Variants in CAMTA1 observed in about 807,000 individuals in gnomAD.
CAMTA1 encodes the protein calmodulin-binding transcription activator 1.
Under a neutral mutation model 170.9 loss-of-function variants are expected in CAMTA1, and 27 were observed. The ratio of observed to expected loss-of-function variants is 0.16; its 90% confidence interval spans 0.12 to 0.22. The LOEUF is 0.22. CAMTA1 is among the 10% of genes least tolerant of loss of function. The pLI, the probability that CAMTA1 is intolerant of heterozygous loss-of-function variation, is 1.00. For missense variants in CAMTA1, 1,619 were observed against 2,217.2 expected, an observed-to-expected ratio of 0.73 and a Z score of 5.42; for synonymous variants, 833 against 891.5, an observed-to-expected ratio of 0.93 and a Z score of 1.17.
At chr1:6,968,364 T>A (rs970793828) in intron 3 of CAMTA1, among the ~76,000 whole-genome samples, 4 of 152,230 alleles carry the variant, frequency 2.6e-5, no homozygotes, top group Admixed American at 2.6e-4. Flanking sequence ...TTTATTTGGT[T>A]GGAAAGATCA....
chr1:7,382,921 T>G (rs1358709291), intron 5 of CAMTA1, among the ~76,000 whole-genome samples: 1 of 152,180 alleles, frequency 6.6e-6, no homozygotes, highest in Non-Finnish European at 1.5e-5. Context: ...GAGAAAATGC[T>G]TTCCTTTTGC....
chr1:7,737,996 C>T lies in CAMTA1; in HGVS notation c.3696C>T (p.Tyr1232=), dbSNP rs1336723948. Reference sequence around the variant, plus strand: ...CTCGTTCTGAACCCTCTAATTACTACAGCAGTGAGAGCCACAAAGATTATC... The same window carrying T: ...CTCGTTCTGAACCCTCTAATTACTATAGCAGTGAGAGCCACAAAGATTATC... ...RRPRSEPSNY[Y]SSESHKDYPA... The change falls in exon 16 of 23, where the codon TAC becomes TAT. Residue 1232 remains tyrosine, a synonymous_variant. Coordinates refer to ENST00000303635, the MANE Select transcript of CAMTA1 (RefSeq NM_015215.4). 6.2e-7 allele frequency: 1 copy of T among 1,613,804 alleles called. No homozygotes were observed. The highest frequency in any genetic ancestry group is 8.5e-7 in the Non-Finnish European group (1 of 1,179,844).
intron 6 of CAMTA1, among the ~76,000 whole-genome samples, chr1:7,499,431 C>T (rs1383047152): frequency 1.9e-5 from 1 of 52,410 alleles, no homozygotes; most frequent in East Asian, 1.2e-3. Context: ...TTGTGTGAGC[C>T]TGGTGTGCAT....
intron 5 of CAMTA1, among the ~76,000 whole-genome samples, chr1:7,408,569 C>T (rs1330075137): frequency 6.6e-6 from 1 of 152,202 alleles, no homozygotes; most frequent in Non-Finnish European, 1.5e-5. Context: ...CCACCCTGGG[C>T]AGCACCTCTG....
intron 4 of CAMTA1, among the ~76,000 whole-genome samples, chr1:7,138,073 C>T (rs1645644916): frequency 6.6e-6 from 1 of 152,192 alleles, no homozygotes. Context: ...GCAGCCTTGA[C>T]CTCCTGGGCA....
intron 6 of CAMTA1, among the ~76,000 whole-genome samples, chr1:7,600,195 T>A (rs1461565547): frequency 1.3e-5 from 2 of 152,234 alleles, no homozygotes; most frequent in Admixed American, 6.5e-5. Flanking sequence ...TCTATTGAGA[T>A]AATCATGTGG....
At chr1:6,859,398 A>T (rs1463668061) in intron 3 of CAMTA1, among the ~76,000 whole-genome samples, 1 of 152,160 alleles carries the variant, frequency 6.6e-6, no homozygotes, top group East Asian at 1.9e-4. Context: ...TTGTCGTCAT[A>T]TTTTGCTCTT....
At chr1:7,519,193 A>C (rs572980333) in intron 6 of CAMTA1, among the ~76,000 whole-genome samples, 7 of 152,128 alleles carry the variant, frequency 4.6e-5, no homozygotes, top group Non-Finnish European at 7.3e-5. Context: ...AGGTGCCCTG[A>C]TGCCGGCTGG....
At chr1:6,796,640 T>C (rs1230530802) in intron 1 of CAMTA1, among the ~76,000 whole-genome samples, 1 of 152,196 alleles carries the variant, frequency 6.6e-6, no homozygotes, top group East Asian at 1.9e-4. Flanking sequence ...GATATTATTA[T>C]TGTGGTGGAA....
At chr1:7,660,143 C>T (rs577708566) in intron 7 of CAMTA1, among the ~76,000 whole-genome samples, 76 of 152,332 alleles carry the variant, frequency 5.0e-4, no homozygotes, top group Middle Eastern at 3.4e-3. Context: ...GGTGCAATCT[C>T]GGCTCACTGC....
At chr1:6,800,630 A>C (rs965097261) in intron 1 of CAMTA1, among the ~76,000 whole-genome samples, 4 of 152,144 alleles carry the variant, frequency 2.6e-5, no homozygotes, top group Admixed American at 1.3e-4. Context: ...ATTTAGTTGT[A>C]CTTTCTGGAG....
At chr1:7,611,454 G>A (rs182412049) in intron 6 of CAMTA1, among the ~76,000 whole-genome samples, 1 of 152,352 alleles carries the variant, frequency 6.6e-6, no homozygotes, top group East Asian at 1.9e-4. Context: ...AGGAGGCCAG[G>A]TTAGAGGAGC....
chr1:6,979,159 C>T (rs1693987814), intron 3 of CAMTA1, among the ~76,000 whole-genome samples: 1 of 152,166 alleles, frequency 6.6e-6, no homozygotes, highest in Non-Finnish European at 1.5e-5. Context: ...GGCTGAAAGA[C>T]ATTGGGGAGA....
At chr1:7,362,980 C>T (rs183524903) in intron 5 of CAMTA1, among the ~76,000 whole-genome samples, 47 of 152,282 alleles carry the variant, frequency 3.1e-4, no homozygotes, top group African/African-American at 6.0e-4. Flanking sequence ...AGACTTGATG[C>T]GTGTGGGGCA....
chr1:7,109,290 T>C (rs904132385), intron 4 of CAMTA1, among the ~76,000 whole-genome samples: 1 of 152,210 alleles, frequency 6.6e-6, no homozygotes, highest in African/African-American at 2.4e-5. Flanking sequence ...CTCCCTCAGA[T>C]GCTGCTGCCG....
intron 3 of CAMTA1, among the ~76,000 whole-genome samples, chr1:6,917,901 A>G (rs911965541): frequency 2.0e-5 from 3 of 151,250 alleles, no homozygotes; most frequent in Non-Finnish European, 4.4e-5. Flanking sequence ...AAGGGACAGT[A>G]TTTCAGCAGG....
intron 6 of CAMTA1, among the ~76,000 whole-genome samples, chr1:7,578,667 A>C (rs1338211611): frequency 6.6e-6 from 1 of 152,226 alleles, no homozygotes; most frequent in Non-Finnish European, 1.5e-5. Flanking sequence ...CAATGAGCAG[A>C]AATGTATGAA....
At chr1:6,925,500 G>A (rs934934462) in intron 3 of CAMTA1, among the ~76,000 whole-genome samples, 1 of 152,168 alleles carries the variant, frequency 6.6e-6, no homozygotes, top group Non-Finnish European at 1.5e-5. Context: ...AACCTGTGTT[G>A]AGGCTGTGCT....
intron 4 of CAMTA1, among the ~76,000 whole-genome samples, chr1:7,186,026 G>A (rs1250541857): frequency 6.6e-6 from 1 of 152,216 alleles, no homozygotes; most frequent in African/African-American, 2.4e-5. Context: ...TTATGTCAGT[G>A]TTAATGTTCT....
Sources: gnomAD v4.1 joint callset for allele counts (sites outside exome capture counted in the v4.1 genomes callset) on GRCh38, gnomAD v4.1.1 for gene constraint, MANE v1.5 for transcripts, NCBI Gene and HGNC (gene_info 2026-07-23, HGNC 2026-07-21) for gene names.